Variants in TRAPPC9 observed in about 807,000 individuals in gnomAD.
TRAPPC9 encodes IKK2 binding protein.
A neutral mutation model predicts 124.0 loss-of-function variants in TRAPPC9; 83 were observed. The ratio of observed to expected loss-of-function variants is 0.67; its 90% CI spans 0.56 to 0.80. TRAPPC9 has a LOEUF of 0.80. TRAPPC9 is among the 30% of genes least tolerant of loss of function. TRAPPC9 has a pLI of 0.00. For missense variants in TRAPPC9, 1,302 were observed against 1,508.3 expected (o/e 0.86, Z 2.27); for synonymous variants, 638 against 617.5 (o/e 1.03, Z -0.49).
chr8:139,917,167 CTTTTTTTTTT>C (rs71318317), intron 19 of TRAPPC9, among the ~76,000 whole-genome samples: 32 of 99,934 alleles, frequency 3.2e-4, no homozygotes, highest in African/African-American at 1.3e-3. Context: ...TTATTATTTT[CTTTTTTTTTT>C]TTTTTTTTTT....
chr8:140,249,166 C>A (rs6578087), intron 16 of TRAPPC9, among the ~76,000 whole-genome samples: 82,344 of 151,936 alleles, frequency 0.54, 24,828 homozygotes, highest in East Asian at 0.93. Context: ...TGGTTTTTCC[C>A]TCCCTGACCC....
At chr8:139,851,197 C>T (rs1224841970) in intron 21 of TRAPPC9, among the ~76,000 whole-genome samples, 1 of 152,188 alleles carries the variant, frequency 6.6e-6, no homozygotes, top group Non-Finnish European at 1.5e-5. Context: ...GAGGTATGAA[C>T]AACGTACAAT....
At chr8:140,341,737 G>C (rs2067200932) in intron 9 of TRAPPC9, among the ~76,000 whole-genome samples, 1 of 152,002 alleles carries the variant, frequency 6.6e-6, no homozygotes, top group South Asian at 2.1e-4. Flanking sequence ...AGGTGTCAAG[G>C]AAAGGGGCTG....
At chr8:140,424,218 T>G (rs550382968) in intron 5 of TRAPPC9, among the ~76,000 whole-genome samples, 4 of 152,256 alleles carry the variant, frequency 2.6e-5, no homozygotes, top group African/African-American at 9.6e-5. Flanking sequence ...CTGCTCATTT[T>G]TATTACAGGA....
intron 20 of TRAPPC9, among the ~76,000 whole-genome samples, chr8:139,908,002 G>T (rs188029121): frequency 7.5e-4 from 114 of 152,274 alleles, no homozygotes; most frequent in Non-Finnish European, 4.9e-4. Context: ...TCAGGTTGCC[G>T]ACAAGGGTGA....
At chr8:140,219,519 C>T (rs570595147) in intron 17 of TRAPPC9, among the ~76,000 whole-genome samples, 9 of 152,282 alleles carry the variant, frequency 5.9e-5, no homozygotes, top group African/African-American at 1.9e-4. Flanking sequence ...GTTTCCACAT[C>T]CTGATGTTTC....
At chr8:140,046,001 G>A (rs1167692629) in intron 17 of TRAPPC9, among the ~76,000 whole-genome samples, 1 of 152,080 alleles carries the variant, frequency 6.6e-6, no homozygotes, top group African/African-American at 2.4e-5. Context: ...GAAGAAAAAG[G>A]AATCTGGAGA....
intron 2 of TRAPPC9, among the ~76,000 whole-genome samples, chr8:140,442,597 A>C (rs1334519501): frequency 2.2e-5 from 1 of 46,066 alleles, no homozygotes; most frequent in Non-Finnish European, 6.8e-5. Flanking sequence ...GCCTCTGTCA[A>C]AAAAAAAAAA....
chr8:139,731,003 G>A lies in TRAPPC9; in HGVS notation c.*58C>T. ...AGGCCTTGCTCATTGCAGGGGGTGTGGGAGGCCAGGCAGGGTCACCTCTGG... is the reference window on the plus strand; with the variant it reads ...AGGCCTTGCTCATTGCAGGGGGTGTAGGAGGCCAGGCAGGGTCACCTCTGG... On this transcript the variant is annotated 3_prime_UTR_variant, in exon 23 of 23. Transcript: ENST00000438773. The A allele has an allele frequency of 6.3e-7, 1 of 1,590,516 alleles. No homozygotes were observed. Among genetic ancestry groups the A allele is most frequent in the Non-Finnish European group, 8.6e-7 (1 of 1,167,828 alleles).
At chr8:139,993,726 T>C (rs934794069) in intron 18 of TRAPPC9, among the ~76,000 whole-genome samples, 1 of 152,184 alleles carries the variant, frequency 6.6e-6, no homozygotes, top group Admixed American at 6.5e-5. Context: ...AAAAGAACTA[T>C]ATGCCCCACC....
At chr8:140,325,746 A>T (rs924032263) in intron 9 of TRAPPC9, among the ~76,000 whole-genome samples, 18 of 152,354 alleles carry the variant, frequency 1.2e-4, no homozygotes, top group African/African-American at 4.3e-4. Flanking sequence ...AATACTTCCC[A>T]ACTTGTGTTA....
At chr8:140,007,918 G>C (rs1838862519) in intron 18 of TRAPPC9, among the ~76,000 whole-genome samples, 2 of 152,162 alleles carry the variant, frequency 1.3e-5, no homozygotes, top group African/African-American at 4.8e-5. Flanking sequence ...AGCAGACACA[G>C]AATACTGTGA....
At chr8:140,295,415 G>C (rs578218808) in intron 11 of TRAPPC9, among the ~76,000 whole-genome samples, 35 of 152,346 alleles carry the variant, frequency 2.3e-4, no homozygotes, top group African/African-American at 7.7e-4. Context: ...TGCAGGGCCA[G>C]GGTGCAGCCC....
In TRAPPC9 at chr8:140,023,933, T is replaced by G. The variant is rs1839966432; in HGVS notation, c.2699+4A>C. 6.2e-7 allele frequency: 1 copy of G among 1,613,798 alleles called. No individual in the cohort carries two copies. The highest frequency in any genetic ancestry group is 1.3e-5 in the African/African-American group (1 of 74,880). On this transcript the variant is annotated splice_donor_region_variant and intron_variant, in intron 18 of 22. Transcript: ENST00000438773. ...AGACGGCTGTGCGGCAGGAAGACAT[T>G]TACCTGGTTGCTGGGAGGGTGCTGA...
At chr8:140,108,862 T>G (rs1339961160) in intron 17 of TRAPPC9, among the ~76,000 whole-genome samples, 1 of 152,166 alleles carries the variant, frequency 6.6e-6, no homozygotes, top group Non-Finnish European at 1.5e-5. Context: ...CTGTGAAGGT[T>G]TCACTTGAAG....
intron 17 of TRAPPC9, among the ~76,000 whole-genome samples, chr8:140,053,559 T>G (rs1842119193): frequency 6.6e-6 from 1 of 152,230 alleles, no homozygotes; most frequent in African/African-American, 2.4e-5. Context: ...ATGTTCTGTG[T>G]AGATCTGTTA....
At chr8:140,075,568 G>A (rs1843457169) in intron 17 of TRAPPC9, among the ~76,000 whole-genome samples, 1 of 152,222 alleles carries the variant, frequency 6.6e-6, no homozygotes, top group Admixed American at 6.5e-5. Context: ...CGCCATATAA[G>A]TAGCTAGCCA....
intron 9 of TRAPPC9, among the ~76,000 whole-genome samples, chr8:140,317,755 G>C (rs2066478434): frequency 6.6e-6 from 1 of 152,042 alleles, no homozygotes; most frequent in African/African-American, 2.4e-5. Flanking sequence ...GCCAAATATT[G>C]TACTATGTTC....
chr8:140,137,950 A>G (rs1164350364), intron 17 of TRAPPC9, among the ~76,000 whole-genome samples: 1 of 152,270 alleles, frequency 6.6e-6, no homozygotes, highest in Non-Finnish European at 1.5e-5. Flanking sequence ...GCAAATCTCC[A>G]TGAGATATTG....
Sources: gnomAD v4.1 joint callset for allele counts (sites outside exome capture counted in the v4.1 genomes callset) on GRCh38, gnomAD v4.1.1 for gene constraint, MANE v1.5 for transcripts, NCBI Gene and HGNC (gene_info 2026-07-23, HGNC 2026-07-21) for gene names.